CLIP2: variants seen among roughly 807,000 people sequenced by gnomAD.
CLIP2 encodes the protein CAP-Gly domain containing linker protein 2.
In CLIP2, 41 loss-of-function variants were observed where a neutral mutation model predicts 111.7. The ratio of observed to expected loss-of-function variants is 0.37; its 90% CI spans 0.29 to 0.48. The LOEUF is 0.48. Among genes scored for constraint, CLIP2 ranks in the 20% least tolerant of loss-of-function variants. The pLI, the probability that CLIP2 is intolerant of heterozygous loss-of-function variation, is 0.99. For synonymous variants in CLIP2, 660 were observed against 644.2 expected, an observed-to-expected ratio of 1.02 and a Z score of -0.37; for missense variants, 1,160 against 1,422.1, an observed-to-expected ratio of 0.82 and a Z score of 2.96.
chr7:74,330,321 A>G (rs782430328), intron 2 of CLIP2, among the ~76,000 whole-genome samples: 5 of 149,852 alleles, frequency 3.3e-5, no homozygotes, highest in Non-Finnish European at 5.9e-5. Context: ...CAGTGGCGCA[A>G]TCTCGGCTCA....
chr7:74,360,542 G>A (rs1790298685), intron 7 of CLIP2, among the ~76,000 whole-genome samples: 1 of 151,958 alleles, frequency 6.6e-6, no homozygotes, highest in Non-Finnish European at 1.5e-5. Context: ...GGGCACAGAG[G>A]GACACCACAT....
intron 2 of CLIP2, among the ~76,000 whole-genome samples, chr7:74,330,542 C>T (rs1789250345): frequency 6.6e-6 from 1 of 152,028 alleles, no homozygotes; most frequent in South Asian, 2.1e-4. Context: ...CAGGTGTGAG[C>T]CACCACACCC....
chr7:74,290,364 T>A (rs2116427605), intron 1 of CLIP2, among the ~76,000 whole-genome samples: 1 of 152,336 alleles, frequency 6.6e-6, no homozygotes, highest in East Asian at 1.9e-4. Context: ...AAGCTGGCGC[T>A]GGTGGCTGGT....
chr7:74,344,250 GC>G (rs1244443574), intron 3 of CLIP2, among the ~76,000 whole-genome samples: 8 of 152,190 alleles, frequency 5.3e-5, no homozygotes, highest in African/African-American at 1.9e-4. Flanking sequence ...CTAAGCCCTG[GC>G]CTGTCTGCAG....
At chr7:74,332,484 G>A (rs1554731479) in intron 2 of CLIP2, among the ~76,000 whole-genome samples, 3 of 31,478 alleles carry the variant, frequency 9.5e-5, no homozygotes, top group Non-Finnish European at 1.3e-4. Flanking sequence ...TTTTTTTAGA[G>A]ATGGGGTCTT....
intron 8 of CLIP2, among the ~76,000 whole-genome samples, chr7:74,368,373 C>T (rs1790515730): frequency 1.3e-5 from 2 of 151,848 alleles, no homozygotes; most frequent in Non-Finnish European, 2.9e-5. Context: ...AAAACTTAGC[C>T]GGGCCTGGTG....
At chr7:74,345,772 G>A (rs1789782201) in intron 3 of CLIP2, among the ~76,000 whole-genome samples, 2 of 151,852 alleles carry the variant, frequency 1.3e-5, no homozygotes, top group South Asian at 2.1e-4. Flanking sequence ...GCTTGAACCC[G>A]GGAGGCGGAG....
chr7:74,339,009 G>A lies in CLIP2; in HGVS notation c.678+5G>A. ...CGCCTGGGGGACCGCGTGCTGGTGA[G>A]TGCGGGCAGTACTGGGCTCTGGGCC... On this transcript the variant is annotated splice_donor_5th_base_variant and intron_variant, in intron 3 of 16. Coordinates refer to ENST00000223398, the MANE Select transcript of CLIP2 (RefSeq NM_003388.5). 6 of 1,593,288 alleles carry A rather than the reference G, an allele frequency of 3.8e-6. No individual in the cohort carries two copies. Among genetic ancestry groups the A allele is most frequent in the Non-Finnish European group, 5.1e-6 (6 of 1,176,598 alleles).
chr7:74,339,467 G>A (rs1232258661), intron 3 of CLIP2, among the ~76,000 whole-genome samples: 5 of 151,762 alleles, frequency 3.3e-5, no homozygotes, highest in South Asian at 2.1e-4. Flanking sequence ...CACCACGCCC[G>A]GCTAATTTTT....
At chr7:74,398,601 C>T (rs1206307233) in intron 14 of CLIP2, among the ~76,000 whole-genome samples, 1 of 152,242 alleles carries the variant, frequency 6.6e-6, no homozygotes, top group African/African-American at 2.4e-5. Flanking sequence ...GGGTGGTTCA[C>T]AGGCTGGAGG....
At chr7:74,334,919 C>T (rs996613942) in intron 2 of CLIP2, among the ~76,000 whole-genome samples, 3 of 151,568 alleles carry the variant, frequency 2.0e-5, no homozygotes, top group Admixed American at 1.3e-4. Flanking sequence ...ACCTGGGAGG[C>T]GAAGATTGCA....
At chr7:74,353,678 C>T (rs1236506238) in intron 3 of CLIP2, among the ~76,000 whole-genome samples, 1 of 152,218 alleles carries the variant, frequency 6.6e-6, no homozygotes, top group Non-Finnish European at 1.5e-5. Context: ...AGCCTGTGCC[C>T]TTGCCTGTGT....
At chr7:74,373,474 G>A (rs558918603) in intron 9 of CLIP2, among the ~76,000 whole-genome samples, 39 of 152,262 alleles carry the variant, frequency 2.6e-4, no homozygotes, top group African/African-American at 9.1e-4. Flanking sequence ...CTCCAGCCTG[G>A]GTGACAGAGT....
chr7:74,368,617 C>T lies in CLIP2; in HGVS notation c.1380+4302C>T, dbSNP rs1006743844. On this transcript the variant is annotated intron_variant, in intron 8 of 16. Coordinates refer to ENST00000223398, the MANE Select transcript of CLIP2 (RefSeq NM_003388.5). ...CCTTACCTCCAAAATCATGCACATCCGCACAGCTGCTTCCCTGGACCAGGC... is the reference window on the plus strand; with the variant it reads ...CCTTACCTCCAAAATCATGCACATCTGCACAGCTGCTTCCCTGGACCAGGC... Among the ~76,000 whole-genome samples, 93 of 152,030 alleles carry T rather than the reference C, an allele frequency of 6.1e-4. 1 individual carries two copies. The highest frequency in any genetic ancestry group is 3.8e-4 in the Non-Finnish European group (26 of 67,996).
In CLIP2 at chr7:74,346,515, G is replaced by A. The variant is rs1279929350; in HGVS notation, c.679-7365G>A. On this transcript the variant is annotated intron_variant, in intron 3 of 16. Transcript: ENST00000223398. ...AGGTGGGTGAATCACTTGAGGCCAG[G>A]AGTTCAAGACCAGCCTGGCCAACAT... Among the ~76,000 whole-genome samples the A allele has an allele frequency of 5.9e-5, 9 of 151,790 alleles. No homozygotes were observed. The East Asian group carries it at 1.7e-3, about 30-fold the overall frequency.
intron 13 of CLIP2, 191 bp downstream of exon 13, chr7:74,389,450 A>C (rs1388950744): frequency 1.5e-5 from 8 of 535,630 alleles, no homozygotes; most frequent in Middle Eastern, 4.9e-4. Flanking sequence ...ACTGTTTTCC[A>C]AGCAGAGCTT....
intron 9 of CLIP2, among the ~76,000 whole-genome samples, chr7:74,374,759 T>C (rs1790729290): frequency 6.6e-6 from 1 of 152,164 alleles, no homozygotes; most frequent in Non-Finnish European, 1.5e-5. Flanking sequence ...AATAAGTTTA[T>C]TGAACTAAAG....
intron 1 of CLIP2, among the ~76,000 whole-genome samples, chr7:74,302,523 C>A (rs1388256767): frequency 6.6e-6 from 1 of 152,124 alleles, no homozygotes; most frequent in African/African-American, 2.4e-5. Context: ...GAACCACAGC[C>A]CTGAGCTCGG....
At chr7:74,315,811 A>G (rs1788753051) in intron 1 of CLIP2, among the ~76,000 whole-genome samples, 1 of 150,666 alleles carries the variant, frequency 6.6e-6, no homozygotes, top group Non-Finnish European at 1.5e-5. Context: ...ACCTCAGGTG[A>G]TCCGCCCACC....
Sources: gnomAD v4.1 joint callset for allele counts (sites outside exome capture counted in the v4.1 genomes callset) on GRCh38, gnomAD v4.1.1 for gene constraint, MANE v1.5 for transcripts, NCBI Gene and HGNC (gene_info 2026-07-23, HGNC 2026-07-21) for gene names.